The following PTPRD variants were observed in gnomAD, a reference collection of about 807,000 sequenced individuals.
The protein encoded by PTPRD is protein tyrosine phosphatase receptor type D.
PTPRD carries 34 observed loss-of-function variants against 214.5 expected under a neutral mutation model. That is an observed-to-expected ratio of 0.16 (90% CI 0.12 to 0.21). The LOEUF is 0.21. Ranked by LOEUF, PTPRD falls within the 10% of genes least tolerant of loss-of-function variation. The probability of loss-of-function intolerance (pLI) is 1.00; values close to 1 mark genes in which losing one functional copy is unlikely to be tolerated. For synonymous variants in PTPRD, 1,128 were observed against 845.7 expected (o/e 1.33, Z -5.79); for missense variants, 2,545 against 2,398.7 (o/e 1.06, Z -1.27).
chr9:10,277,823 G>A (rs936231068), intron 3 of PTPRD, among the ~76,000 whole-genome samples: 2 of 152,074 alleles, frequency 1.3e-5, no homozygotes, highest in Middle Eastern at 3.2e-3. Context: ...AGGAGATTCT[G>A]GCAACTGGCC....
intron 5 of PTPRD, among the ~76,000 whole-genome samples, chr9:9,797,243 G>GT (rs56375104): frequency 0.072 from 7,092 of 97,986 alleles, 307 homozygotes; most frequent in Middle Eastern, 0.12. Context: ...ATTTCAGGCA[G>GT]TTTTTTTTTT....
chr9:9,099,565 TAGG>T (rs1002949698), intron 10 of PTPRD, among the ~76,000 whole-genome samples: 3 of 152,128 alleles, frequency 2.0e-5, no homozygotes, highest in Admixed American at 1.3e-4. Context: ...ATGTGCAAAG[TAGG>T]AGAACAATAT....
chr9:9,791,919 C>A (rs1023485233), intron 5 of PTPRD, among the ~76,000 whole-genome samples: 6 of 151,926 alleles, frequency 3.9e-5, no homozygotes, highest in African/African-American at 1.4e-4. Flanking sequence ...TCTTGATGTA[C>A]CTTGAATTTT....
At chr9:8,342,551 C>G (rs1337081754) in intron 39 of PTPRD, among the ~76,000 whole-genome samples, 1 of 152,030 alleles carries the variant, frequency 6.6e-6, no homozygotes, top group Non-Finnish European at 1.5e-5. Context: ...GTTTATCAGG[C>G]TGGTAAACAT....
intron 9 of PTPRD, among the ~76,000 whole-genome samples, chr9:9,295,246 C>G (rs1029350669): frequency 2.0e-5 from 3 of 151,656 alleles, no homozygotes; most frequent in Admixed American, 2.0e-4. Context: ...TGAAAACATA[C>G]ACATATTTTA....
intron 7 of PTPRD, among the ~76,000 whole-genome samples, chr9:9,607,549 T>A (rs575267538): frequency 1.3e-5 from 2 of 152,166 alleles, no homozygotes; most frequent in East Asian, 3.9e-4. Flanking sequence ...AGATGCAAAG[T>A]TTATATGTCT....
At chr9:10,356,175 G>C (rs1388498657) in intron 2 of PTPRD, among the ~76,000 whole-genome samples, 3 of 151,584 alleles carry the variant, frequency 2.0e-5, no homozygotes, top group African/African-American at 7.3e-5. Flanking sequence ...CCTGGCCACA[G>C]GCTAGTGTGG....
chr9:9,476,208 T>C (rs2095030770), intron 8 of PTPRD, among the ~76,000 whole-genome samples: 1 of 152,156 alleles, frequency 6.6e-6, no homozygotes, highest in Admixed American at 6.5e-5. Context: ...TCCTAGTGTG[T>C]CTATCTCTTC....
At chr9:8,577,497 C>T (rs1330461883) in intron 14 of PTPRD, among the ~76,000 whole-genome samples, 2 of 152,044 alleles carry the variant, frequency 1.3e-5, no homozygotes, top group East Asian at 1.9e-4. Flanking sequence ...TCAGGTGATC[C>T]GCCTGCCTTG....
intron 9 of PTPRD, among the ~76,000 whole-genome samples, chr9:9,248,014 G>T (rs115750812): frequency 1.6e-3 from 238 of 152,094 alleles, no homozygotes; most frequent in African/African-American, 5.4e-3. Flanking sequence ...TATATCTCTT[G>T]CAGTACACTG....
chr9:9,606,291 T>G (rs1181829226), intron 7 of PTPRD, among the ~76,000 whole-genome samples: 1 of 152,138 alleles, frequency 6.6e-6, no homozygotes, highest in Non-Finnish European at 1.5e-5. Context: ...TTCCTGAATT[T>G]CACTCTAAAA....
At chr9:10,240,809 G>C (rs1364542698) in intron 3 of PTPRD, among the ~76,000 whole-genome samples, 2 of 151,744 alleles carry the variant, frequency 1.3e-5, no homozygotes. Flanking sequence ...TGGTCTCTTA[G>C]ACAGGATTTT....
At position 9,868,570 on chromosome 9, in the gene PTPRD, G is replaced by C. The variant is rs151236763; in HGVS notation, c.-368+69937C>G. ...AGCTTTCTATGTGAATAAAAAGTAG[G>C]GATAGAAAGGTGACAATGAGATAAA... On this transcript the variant is annotated intron_variant, in intron 5 of 45. Transcript: ENST00000381196. 2.3e-3 allele frequency among the ~76,000 whole-genome samples: 346 copies of C among 151,790 alleles called. 2 individuals are homozygous for C. The highest frequency in any genetic ancestry group is 7.9e-3 in the African/African-American group (328 of 41,370).
chr9:8,728,777 C>T (rs1405646166), intron 12 of PTPRD, among the ~76,000 whole-genome samples: 1 of 151,890 alleles, frequency 6.6e-6, no homozygotes, highest in Admixed American at 6.6e-5. Flanking sequence ...GTTCGAAGTT[C>T]GAGACCAGCC....
At chr9:10,359,230 T>C (rs928083696) in intron 2 of PTPRD, among the ~76,000 whole-genome samples, 4 of 152,032 alleles carry the variant, frequency 2.6e-5, no homozygotes, top group African/African-American at 7.2e-5. Flanking sequence ...GGTGCAAAGA[T>C]TGTGGGTGAA....
chr9:8,922,707 C>T (rs902837415), intron 11 of PTPRD, among the ~76,000 whole-genome samples: 13 of 152,076 alleles, frequency 8.5e-5, no homozygotes, highest in Admixed American at 2.6e-4. Context: ...AGTGCAGTGG[C>T]GCGATCTCAG....
chr9:10,299,440 T>C (rs2095794566), intron 3 of PTPRD, among the ~76,000 whole-genome samples: 1 of 152,154 alleles, frequency 6.6e-6, no homozygotes. Context: ...ATGAAAAAGA[T>C]GTTAACATCT....
chr9:8,551,052 T>C (rs2081959619), intron 14 of PTPRD, among the ~76,000 whole-genome samples: 1 of 152,204 alleles, frequency 6.6e-6, no homozygotes, highest in South Asian at 2.1e-4. Flanking sequence ...GGCAAATCCC[T>C]ATGAAAACAT....
intron 9 of PTPRD, among the ~76,000 whole-genome samples, chr9:9,295,579 A>T (rs914538187): frequency 6.6e-6 from 1 of 151,812 alleles, no homozygotes; most frequent in African/African-American, 2.4e-5. Context: ...AGAGATTTTT[A>T]AGAGACTATT....
Sources: allele counts gnomAD v4.1 joint callset (sites outside exome capture counted in the v4.1 genomes callset), GRCh38; gene constraint gnomAD v4.1.1; transcripts MANE v1.5; gene names NCBI Gene and HGNC (gene_info 2026-07-23, HGNC 2026-07-21).